The following MACROD2 variants were observed in gnomAD, a reference collection of about 807,000 sequenced individuals.
The protein encoded by MACROD2 is mono-ADP ribosylhydrolase 2.
A neutral mutation model predicts 70.4 loss-of-function variants in MACROD2; 36 were observed. That is an observed-to-expected ratio of 0.51 (90% confidence interval 0.39 to 0.68). The LOEUF is 0.68. MACROD2 is among the 30% of genes least tolerant of loss of function. The pLI, the probability that MACROD2 is intolerant of heterozygous loss-of-function variation, is 0.00. For synonymous variants in MACROD2, 172 were observed against 178.8 expected, an observed-to-expected ratio of 0.96 and a Z score of 0.30; for missense variants, 496 against 538.4, an observed-to-expected ratio of 0.92 and a Z score of 0.78.
intron 3 of MACROD2, among the ~76,000 whole-genome samples, chr20:14,233,094 A>T (rs2081833407): frequency 6.6e-6 from 1 of 152,168 alleles, no homozygotes; most frequent in African/African-American, 2.4e-5. Context: ...TTATAGATTA[A>T]GTTCATTGTC....
At chr20:15,071,217 A>G (rs897384932) in intron 5 of MACROD2, among the ~76,000 whole-genome samples, 5 of 152,200 alleles carry the variant, frequency 3.3e-5, no homozygotes, top group African/African-American at 1.2e-4. Context: ...AAGAATAGAA[A>G]CATTTAGGCC....
chr20:15,563,407 T>C (rs116851051), intron 8 of MACROD2, among the ~76,000 whole-genome samples: 1,988 of 152,328 alleles, frequency 0.013, 38 homozygotes, highest in East Asian at 0.071. Context: ...TAGTTCCTGG[T>C]GTCCTGCTTT....
In MACROD2 at chr20:15,986,707, T is replaced by C; in HGVS notation, c.986-20T>C. On this transcript the variant is annotated intron_variant, in intron 13 of 17. Transcript: ENST00000684519. ...ATGCATATCACATTTCTTTTATTTT[T>C]CAATCACTGTTTTGAACAGGACAAG... 1 of 1,593,326 alleles carries C rather than the reference T, an allele frequency of 6.3e-7. No individual in the cohort carries two copies. The highest frequency in any genetic ancestry group is 8.6e-7 in the Non-Finnish European group (1 of 1,163,322).
At chr20:14,799,998 A>G (rs2072554972) in intron 5 of MACROD2, among the ~76,000 whole-genome samples, 1 of 152,066 alleles carries the variant, frequency 6.6e-6, no homozygotes, top group East Asian at 1.9e-4. Flanking sequence ...ATTAGATGCC[A>G]ATATGGAAAG....
At chr20:15,955,092 G>A (rs1031992653) in intron 12 of MACROD2, among the ~76,000 whole-genome samples, 1 of 152,136 alleles carries the variant, frequency 6.6e-6, no homozygotes, top group Admixed American at 6.6e-5. Context: ...GTGAAATGTG[G>A]GTAGAGAATA....
chr20:15,027,841 C>G (rs537679149), intron 5 of MACROD2, among the ~76,000 whole-genome samples: 2 of 152,152 alleles, frequency 1.3e-5, no homozygotes, highest in African/African-American at 4.8e-5. Context: ...TTATGAATTC[C>G]CCCAACAAGT....
chr20:14,603,184 C>T (rs1982600851), intron 4 of MACROD2, among the ~76,000 whole-genome samples: 2 of 152,096 alleles, frequency 1.3e-5, no homozygotes. Flanking sequence ...TGATTTATAA[C>T]TTTCTCAGGC....
chr20:15,101,219 T>G lies in MACROD2; in HGVS notation c.419-128721T>G, dbSNP rs540100351. On this transcript the variant is annotated intron_variant, in intron 5 of 17. Coordinates refer to ENST00000684519, the MANE Select transcript of MACROD2 (RefSeq NM_001351661.2). ...TAAAATGGATATATCCAATTTTTTG[T>G]GCTCTATTTTTGTACCTGATGTAGT... Among the ~76,000 whole-genome samples the G allele has an allele frequency of 3.3e-5, 5 of 152,258 alleles. No individual in the cohort carries two copies. The South Asian group carries it at 8.3e-4, about 25-fold the overall frequency.
intron 8 of MACROD2, among the ~76,000 whole-genome samples, chr20:15,751,016 G>A (rs1356461676): frequency 6.6e-6 from 1 of 151,966 alleles, no homozygotes; most frequent in South Asian, 2.1e-4. Context: ...AAGAGAATGG[G>A]AGAGATTGGT....
chr20:15,706,499 G>A (rs2050534246), intron 8 of MACROD2, among the ~76,000 whole-genome samples: 1 of 152,124 alleles, frequency 6.6e-6, no homozygotes, highest in Admixed American at 6.5e-5. Context: ...AAGTGAACAG[G>A]CACAAAGTCT....
In MACROD2 at chr20:14,579,127, CTTTTTTTTT is replaced by C. The variant is rs71190141; in HGVS notation, c.301+85636_301+85644del. ...TTCTGGGAAGCAACTGTATCCAATT[CTTTTTTTTT>C]TTTTTTTTTTTTTTTTGAGACGGAG... is the stretch of plus-strand genomic sequence containing the variant. On this transcript the variant is annotated intron_variant, in intron 4 of 17. Coordinates refer to ENST00000684519, the MANE Select transcript of MACROD2 (RefSeq NM_001351661.2). Among the ~76,000 whole-genome samples the C allele has an allele frequency of 2.8e-4, 21 of 74,356 alleles. No individual in the cohort carries two copies. The East Asian group carries it at 8.6e-3, about 31-fold the overall frequency. 48.8% of individuals were successfully genotyped at this position (74,356 alleles called of 152,430 possible). A position where few individuals can be genotyped will look rare whatever the true frequency, so the allele number is the denominator to read the frequency against.
At chr20:15,540,938 A>G (rs1171233377) in intron 8 of MACROD2, among the ~76,000 whole-genome samples, 2 of 152,312 alleles carry the variant, frequency 1.3e-5, no homozygotes, top group East Asian at 1.9e-4. Context: ...CTAGAGGCCC[A>G]CCTTACTGTA....
At position 15,615,010 on chromosome 20, in the gene MACROD2, C is replaced by T. The variant is rs532086965; in HGVS notation, c.645+115163C>T. Among the ~76,000 whole-genome samples, 21 of 152,274 alleles carry T rather than the reference C, an allele frequency of 1.4e-4. No homozygotes were observed. In the East Asian group the frequency reaches 3.7e-3, roughly 27 times the overall value. ...TTTCTGATCCCATTTGTGGTGTGTGCAGGGTATGGGGAATGGCCCCTAAAC... is the reference window on the plus strand; with the variant it reads ...TTTCTGATCCCATTTGTGGTGTGTGTAGGGTATGGGGAATGGCCCCTAAAC... On this transcript the variant is annotated intron_variant, in intron 8 of 17. Transcript: ENST00000684519.
intron 5 of MACROD2, among the ~76,000 whole-genome samples, chr20:15,012,240 A>G (rs544860230): frequency 3.3e-5 from 5 of 152,338 alleles, no homozygotes; most frequent in African/African-American, 1.2e-4. Flanking sequence ...GACACTAACA[A>G]TAATACATAA....
At chr20:14,917,752 A>G (rs775953089) in intron 5 of MACROD2, among the ~76,000 whole-genome samples, 2 of 152,170 alleles carry the variant, frequency 1.3e-5, no homozygotes, top group Non-Finnish European at 2.9e-5. Context: ...AATTGCATCT[A>G]AAGCTACTCA....
intron 4 of MACROD2, among the ~76,000 whole-genome samples, chr20:14,640,661 G>A (rs1002982341): frequency 2.0e-5 from 3 of 152,118 alleles, no homozygotes; most frequent in Admixed American, 6.6e-5. Context: ...AAAGTAAACA[G>A]CAATAAAGTA....
chr20:15,986,230 GTCTC>G (rs1306472594), intron 13 of MACROD2, among the ~76,000 whole-genome samples: 1 of 152,116 alleles, frequency 6.6e-6, no homozygotes, highest in African/African-American at 2.4e-5. Context: ...ATACGGGAGG[GTCTC>G]TCTCTTCCCT....
chr20:15,539,275 G>T (rs2047921668), intron 8 of MACROD2, among the ~76,000 whole-genome samples: 1 of 152,222 alleles, frequency 6.6e-6, no homozygotes, highest in Non-Finnish European at 1.5e-5. Context: ...TCTAAAATGA[G>T]AGAGATTCAA....
chr20:15,852,985 G>A (rs143141296), intron 8 of MACROD2, among the ~76,000 whole-genome samples: 217 of 152,124 alleles, frequency 1.4e-3, no homozygotes, highest in African/African-American at 5.0e-3. Flanking sequence ...CACTCCAGCC[G>A]GAAGGACAGC....
Sources: allele counts gnomAD v4.1 joint callset (sites outside exome capture counted in the v4.1 genomes callset), GRCh38; gene constraint gnomAD v4.1.1; transcripts MANE v1.5; gene names NCBI Gene and HGNC (gene_info 2026-07-23, HGNC 2026-07-21).